RUNX1: variants seen among roughly 807,000 people sequenced by gnomAD.
RUNX1 encodes RUNX family transcription factor 1, also known as runt-related transcription factor 1.
RUNX1 carries 19 observed loss-of-function variants against 42.8 expected under a neutral mutation model. The ratio of observed to expected loss-of-function variants is 0.44; its 90% CI spans 0.31 to 0.65. RUNX1 has a LOEUF of 0.65. Ranked by LOEUF, RUNX1 falls within the 30% of genes least tolerant of loss-of-function variation. RUNX1 has a pLI of 0.07. For missense variants in RUNX1, 528 were observed against 672.0 expected (o/e 0.79, Z 2.37); for synonymous variants, 271 against 289.4 (o/e 0.94, Z 0.64).
chr21:34,794,949 C>T (rs888304705), intron 8 of RUNX1, among the ~76,000 whole-genome samples: 5 of 152,260 alleles, frequency 3.3e-5, no homozygotes, highest in African/African-American at 1.2e-4. Flanking sequence ...CAAAGTCACC[C>T]CAGCTGAGAA....
chr21:34,818,475 CCTT>C (rs1053233249), intron 7 of RUNX1, among the ~76,000 whole-genome samples: 2 of 152,114 alleles, frequency 1.3e-5, no homozygotes, highest in Non-Finnish European at 2.9e-5. Context: ...AGACCCCCCT[CCTT>C]CTGGTTCTGA....
In RUNX1 at chr21:34,989,742, T is replaced by C. The variant is rs183233797; in HGVS notation, c.58+59100A>G. 5.3e-5 allele frequency among the ~76,000 whole-genome samples: 8 copies of C among 152,292 alleles called. No homozygotes were observed. In the East Asian group the frequency reaches 9.7e-4, roughly 18 times the overall value. ...GTGCTGCAAAAGCTGAAATGTCTAGTAAGATTTCTGACCAAAGCCTTTCAG... is the reference window on the plus strand; with the variant it reads ...GTGCTGCAAAAGCTGAAATGTCTAGCAAGATTTCTGACCAAAGCCTTTCAG... On this transcript the variant is annotated intron_variant, in intron 2 of 8. Coordinates refer to ENST00000675419, the MANE Select transcript of RUNX1 (RefSeq NM_001754.5).
At chr21:34,958,196 C>T (rs1380286007) in intron 2 of RUNX1, among the ~76,000 whole-genome samples, 1 of 152,126 alleles carries the variant, frequency 6.6e-6, no homozygotes, top group African/African-American at 2.4e-5. Context: ...ACACGGGACT[C>T]CAAGTCTAGA....
At chr21:34,860,271 G>A (rs1245577175) in intron 5 of RUNX1, among the ~76,000 whole-genome samples, 1 of 152,142 alleles carries the variant, frequency 6.6e-6, no homozygotes, top group Non-Finnish European at 1.5e-5. Context: ...ATTTATAAAA[G>A]GTGAGAAAAT....
intron 6 of RUNX1, among the ~76,000 whole-genome samples, chr21:34,841,462 T>C (rs772646803): frequency 8.5e-5 from 13 of 152,300 alleles, no homozygotes; most frequent in Non-Finnish European, 1.5e-4. Context: ...TTTCCTACTC[T>C]GGGCCTTCCC....
At chr21:34,970,844 T>C (rs943581383) in intron 2 of RUNX1, among the ~76,000 whole-genome samples, 1 of 152,146 alleles carries the variant, frequency 6.6e-6, no homozygotes, top group Non-Finnish European at 1.5e-5. Context: ...TTCTTTGTAT[T>C]ACTCTCGCAA....
At chr21:34,913,535 C>T (rs71329087) in intron 2 of RUNX1, among the ~76,000 whole-genome samples, 3,053 of 152,278 alleles carry the variant, frequency 0.02, 48 homozygotes, top group South Asian at 0.039. Context: ...CGTCTTAAGC[C>T]TCGTCACCTT....
chr21:34,982,619 G>C (rs770445611), intron 2 of RUNX1, among the ~76,000 whole-genome samples: 4 of 152,078 alleles, frequency 2.6e-5, no homozygotes, highest in African/African-American at 4.8e-5. Flanking sequence ...ACCCAGGCTG[G>C]AGTGTAGTGG....
At chr21:34,863,640 T>C (rs979885779) in intron 5 of RUNX1, among the ~76,000 whole-genome samples, 3 of 148,292 alleles carry the variant, frequency 2.0e-5, no homozygotes, top group African/African-American at 7.5e-5. Flanking sequence ...CTGCAACCTC[T>C]GCCTCCCGGG....
At chr21:35,010,906 C>G (rs1358681186) in intron 2 of RUNX1, among the ~76,000 whole-genome samples, 1 of 152,192 alleles carries the variant, frequency 6.6e-6, no homozygotes, top group Non-Finnish European at 1.5e-5. Flanking sequence ...TCAAATGCAT[C>G]TTTAGCCAAC....
At position 34,929,665 on chromosome 21, in the gene RUNX1, A is replaced by G. The variant is rs558398057; in HGVS notation, c.59-36702T>C. On this transcript the variant is annotated intron_variant, in intron 2 of 8. Coordinates refer to ENST00000675419, the MANE Select transcript of RUNX1 (RefSeq NM_001754.5). ...TTTTAAAATACTCAATATATAATTCATCTGAGAATAACAAGTGACATGAAC... is the reference window on the plus strand; with the variant it reads ...TTTTAAAATACTCAATATATAATTCGTCTGAGAATAACAAGTGACATGAAC... 1.2e-4 allele frequency among the ~76,000 whole-genome samples: 18 copies of G among 152,336 alleles called. No individual in the cohort carries two copies. The South Asian group carries it at 2.1e-3, about 18-fold the overall frequency.
At chr21:34,835,206 C>A (rs756584649) in intron 6 of RUNX1, among the ~76,000 whole-genome samples, 1 of 152,162 alleles carries the variant, frequency 6.6e-6, no homozygotes, top group Non-Finnish European at 1.5e-5. Context: ...CTCCCTCTCC[C>A]TCTCCTCACA....
At chr21:34,902,367 G>A (rs1223376258) in intron 2 of RUNX1, among the ~76,000 whole-genome samples, 1 of 152,188 alleles carries the variant, frequency 6.6e-6, no homozygotes, top group Non-Finnish European at 1.5e-5. Flanking sequence ...GACCTTAAAT[G>A]TGGACAATGG....
chr21:34,828,330 C>A (rs188676867), intron 7 of RUNX1, among the ~76,000 whole-genome samples: 1 of 152,268 alleles, frequency 6.6e-6, no homozygotes, highest in Admixed American at 6.5e-5. Context: ...GAATTTCTAC[C>A]TTGTGTCTGT....
chr21:34,987,564 C>T (rs531665494), intron 2 of RUNX1, among the ~76,000 whole-genome samples: 1 of 152,278 alleles, frequency 6.6e-6, no homozygotes, highest in Non-Finnish European at 1.5e-5. Context: ...CTGTCCTTTT[C>T]ACGCAGGCAT....
intron 6 of RUNX1, chr21:34,859,195 T>C (rs2057535883): frequency 8.2e-6 from 4 of 486,054 alleles, no homozygotes; most frequent in Non-Finnish European, 1.5e-5. Context: ...GAGGAAGCAG[T>C]CCTTAGTTTC....
At chr21:35,040,771 C>CAA (rs67940268) in intron 2 of RUNX1, among the ~76,000 whole-genome samples, 1 of 90,880 alleles carries the variant, frequency 1.1e-5, no homozygotes. Flanking sequence ...AGACTCCATC[C>CAA]AAAAAAAAAA....
At chr21:34,988,916 G>A (rs2058913104) in intron 2 of RUNX1, among the ~76,000 whole-genome samples, 1 of 152,122 alleles carries the variant, frequency 6.6e-6, no homozygotes, top group Non-Finnish European at 1.5e-5. Flanking sequence ...CATCCTCAAA[G>A]GGAACTGAGA....
Position 34,993,622 on chromosome 21 carries a change from GAC to G in RUNX1, c.58+55218_58+55219del, listed in dbSNP as rs1289356710. 3.6e-3 allele frequency among the ~76,000 whole-genome samples: 166 copies of G among 46,604 alleles called. 3 individuals are homozygous for G. The highest frequency in any genetic ancestry group is 0.015 in the African/African-American group (155 of 10,580). The allele number at this position is 46,604 out of a possible 152,430, so 30.6% of individuals were successfully genotyped here. On this transcript the variant is annotated intron_variant, in intron 2 of 8. Coordinates refer to ENST00000675419, the MANE Select transcript of RUNX1 (RefSeq NM_001754.5). Reference sequence around the variant, plus strand: ...ACAGGCACACACAGGCACACACACAGACACACACACAGACACACACAGGCACA... The same window carrying G: ...ACAGGCACACACAGGCACACACACAGACACACACAGACACACACAGGCACA...
Sources: allele counts gnomAD v4.1 joint callset (sites outside exome capture counted in the v4.1 genomes callset), GRCh38; gene constraint gnomAD v4.1.1; transcripts MANE v1.5; gene names NCBI Gene and HGNC (gene_info 2026-07-23, HGNC 2026-07-21).